RANBP2: variants seen among roughly 807,000 people sequenced by gnomAD.
The protein encoded by RANBP2 is RAN binding protein 2, also known as E3 SUMO-protein ligase RanBP2.
In RANBP2, 57 loss-of-function variants were observed where a neutral mutation model predicts 303.6. The observed-to-expected ratio is 0.19, with a 90% CI of 0.15 to 0.23. The LOEUF is 0.23. Among genes scored for constraint, RANBP2 ranks in the 10% least tolerant of loss-of-function variants. The pLI, the probability that RANBP2 is intolerant of heterozygous loss-of-function variation, is 1.00. For missense variants in RANBP2, 3,138 were observed against 3,780.8 expected (o/e 0.83, Z 4.46); for synonymous variants, 1,167 against 1,301.5 (o/e 0.90, Z 2.23).
chr2:109,390,866 GGGC>G, the RANBP2 span, among the ~76,000 whole-genome samples: 1 of 152,204 alleles, frequency 6.6e-6, no homozygotes, highest in Non-Finnish European at 1.5e-5. Context: ...CACTGGCAGA[GGGC>G]GGCCCCTGAA....
chr2:109,620,386 A>C, the RANBP2 span, among the ~76,000 whole-genome samples: 2 of 152,168 alleles, frequency 1.3e-5, no homozygotes, highest in Non-Finnish European at 2.9e-5. Context: ...GATTTAAGAG[A>C]TTTTCAAGAG....
chr2:109,199,050 C>T, the RANBP2 span, among the ~76,000 whole-genome samples: 1 of 152,102 alleles, frequency 6.6e-6, no homozygotes. Context: ...TTTTTCTACA[C>T]AGTTCCACTT....
chr2:109,651,591 C>G, the RANBP2 span, among the ~76,000 whole-genome samples: 1 of 152,196 alleles, frequency 6.6e-6, no homozygotes, highest in Non-Finnish European at 1.5e-5. Context: ...TCCCAATGGA[C>G]AAAACTTTGA....
chr2:109,615,403 G>A, the RANBP2 span: 1 of 1,613,062 alleles, frequency 6.2e-7, no homozygotes, highest in Non-Finnish European at 8.5e-7. Flanking sequence ...GGCTTCACTT[G>A]CCTGCACTGG....
At chr2:109,170,320 TCTC>T in the RANBP2 span, among the ~76,000 whole-genome samples, 1 of 133,298 alleles carries the variant, frequency 7.5e-6, no homozygotes, top group Non-Finnish European at 1.6e-5. Flanking sequence ...TTCTCTCCTC[TCTC>T]TCTCTCCTCT....
chr2:109,128,993 C>T, the RANBP2 span: 1 of 425,336 alleles, frequency 2.4e-6, no homozygotes, highest in Non-Finnish European at 4.7e-6. Flanking sequence ...CACGTGCTCG[C>T]GGCCGAGGAA....
chr2:109,156,759 T>C, the RANBP2 span, among the ~76,000 whole-genome samples: 1 of 152,068 alleles, frequency 6.6e-6, no homozygotes, highest in Admixed American at 6.6e-5. Flanking sequence ...TTAAGTTTTT[T>C]AAAAAGGGAT....
chr2:109,516,847 T>A, the RANBP2 span, among the ~76,000 whole-genome samples: 1 of 152,222 alleles, frequency 6.6e-6, no homozygotes, highest in African/African-American at 2.4e-5. Flanking sequence ...TCCCACGATA[T>A]TTTTAGTGCA....
chr2:108,738,327 G>A (rs557110637), intron 6 of RANBP2, among the ~76,000 whole-genome samples: 17 of 151,824 alleles, frequency 1.1e-4, no homozygotes, highest in East Asian at 7.8e-4. Flanking sequence ...CGCCCGCCTC[G>A]GCCTCCCAAA....
At chr2:109,454,828 G>A in the RANBP2 span, among the ~76,000 whole-genome samples, 29 of 152,082 alleles carry the variant, frequency 1.9e-4, no homozygotes, top group African/African-American at 4.8e-4. Context: ...CCCATAGAAG[G>A]CACCTGGTGA....
the RANBP2 span, among the ~76,000 whole-genome samples, chr2:109,151,926 T>C: frequency 4.7e-4 from 71 of 152,352 alleles, no homozygotes; most frequent in African/African-American, 1.3e-3. Flanking sequence ...GTTAATATAA[T>C]AACAGCCTGG....
the RANBP2 span, chr2:109,737,185 C>T: frequency 3.8e-6 from 3 of 787,136 alleles, no homozygotes; most frequent in South Asian, 1.8e-5. Context: ...TTGGAAGGAA[C>T]GTAATTTGTA....
At chr2:109,017,379 C>T in the RANBP2 span, among the ~76,000 whole-genome samples, 2 of 152,252 alleles carry the variant, frequency 1.3e-5, no homozygotes, top group African/African-American at 4.8e-5. Flanking sequence ...GCCCCTGTCC[C>T]TGCTGTCCAT....
At chr2:109,742,437 AAAACAAAC>A in the RANBP2 span, among the ~76,000 whole-genome samples, 285 of 144,972 alleles carry the variant, frequency 2.0e-3, 18 homozygotes, top group South Asian at 0.037. Flanking sequence ...AACAAAAACA[AAAACAAAC>A]AAACAAACAA....
At chr2:109,281,012 G>A in the RANBP2 span, among the ~76,000 whole-genome samples, 65 of 152,312 alleles carry the variant, frequency 4.3e-4, no homozygotes, top group African/African-American at 1.4e-3. Flanking sequence ...AAAGCCTCAC[G>A]CTCCTGACAA....
At chr2:109,318,292 TGCTC>T in the RANBP2 span, among the ~76,000 whole-genome samples, 1 of 152,074 alleles carries the variant, frequency 6.6e-6, no homozygotes, top group African/African-American at 2.4e-5. Flanking sequence ...TCCATGCGAC[TGCTC>T]CTCCTAGCGT....
the RANBP2 span, among the ~76,000 whole-genome samples, chr2:108,800,608 C>CTTTTTT: frequency 3.3e-4 from 11 of 33,492 alleles, no homozygotes; most frequent in East Asian, 1.2e-3. Flanking sequence ...CTCAGTTTAG[C>CTTTTTT]TTTTTTTTTT....
chr2:109,497,567 G>A, the RANBP2 span, among the ~76,000 whole-genome samples: 1 of 152,216 alleles, frequency 6.6e-6, no homozygotes, highest in Non-Finnish European at 1.5e-5. Flanking sequence ...ATGACGCACA[G>A]TTGTGACCTG....
the RANBP2 span, among the ~76,000 whole-genome samples, chr2:109,390,003 G>A: frequency 2.6e-5 from 4 of 152,228 alleles, no homozygotes; most frequent in East Asian, 3.9e-4. Flanking sequence ...AGGCAGAAGC[G>A]CCCTGGGAAA....
Sources: allele counts gnomAD v4.1 joint callset (sites outside exome capture counted in the v4.1 genomes callset), GRCh38; gene constraint gnomAD v4.1.1; transcripts MANE v1.5; gene names NCBI Gene and HGNC (gene_info 2026-07-23, HGNC 2026-07-21).